The following UGT1A8 variants were observed in gnomAD, a reference collection of about 807,000 sequenced individuals.
The protein encoded by UGT1A8 is UDP-glucuronosyltransferase 1A8.
A neutral mutation model predicts 45.3 loss-of-function variants in UGT1A8; 39 were observed. That is an observed-to-expected ratio of 0.86 (90% CI 0.67 to 1.12). The LOEUF is 1.12. UGT1A8 is among the 50% of genes most tolerant of loss of function. The pLI is 0.00. For missense variants in UGT1A8, 719 were observed against 664.9 expected, an observed-to-expected ratio of 1.08 and a Z score of -0.90; for synonymous variants, 275 against 249.2, an observed-to-expected ratio of 1.10 and a Z score of -0.97.
intron 1 of UGT1A8, among the ~76,000 whole-genome samples, chr2:233,757,560 A>ATATGTG (rs904896556): frequency 1.6e-5 from 2 of 123,146 alleles, no homozygotes; most frequent in African/African-American, 6.8e-5. Flanking sequence ...ATATATATAT[A>ATATGTG]TGTATATATG....
intron 1 of UGT1A8, among the ~76,000 whole-genome samples, chr2:233,670,922 CA>C (rs1186411067): frequency 2.0e-5 from 3 of 152,136 alleles, no homozygotes; most frequent in Non-Finnish European, 4.4e-5. Context: ...TCTTGTACAA[CA>C]AAAAAACTGG....
At chr2:233,662,309 T>A (rs1230181500) in intron 1 of UGT1A8, among the ~76,000 whole-genome samples, 1 of 152,212 alleles carries the variant, frequency 6.6e-6, no homozygotes, top group African/African-American at 2.4e-5. Context: ...TTTTCTTAAT[T>A]TTTTCACTAT....
intron 1 of UGT1A8, chr2:233,743,056 A>T: frequency 3.1e-6 from 1 of 325,774 alleles, no homozygotes; most frequent in South Asian, 2.6e-5. Context: ...AGTCCCAACG[A>T]TAAGAACAGG....
chr2:233,708,854 A>C (rs1025150055), intron 1 of UGT1A8, among the ~76,000 whole-genome samples: 1 of 147,850 alleles, frequency 6.8e-6, no homozygotes, highest in Non-Finnish European at 1.5e-5. Context: ...TTTCTTTTTT[A>C]ATCTCTTTTA....
chr2:233,720,513 G>C (rs2076864645), intron 1 of UGT1A8, among the ~76,000 whole-genome samples: 1 of 152,034 alleles, frequency 6.6e-6, no homozygotes, highest in Non-Finnish European at 1.5e-5. Context: ...AGGTGAAGCT[G>C]ATCATATCAC....
intron 1 of UGT1A8, among the ~76,000 whole-genome samples, chr2:233,764,316 C>T (rs1044416342): frequency 3.3e-5 from 5 of 152,242 alleles, no homozygotes; most frequent in Admixed American, 6.5e-5. Flanking sequence ...TTAAGGGAAG[C>T]TTTGCCAAGT....
At chr2:233,691,657 C>T in intron 1 of UGT1A8, 1 of 984,560 alleles carries the variant, frequency 1.0e-6, no homozygotes, top group Non-Finnish European at 1.2e-6. Flanking sequence ...GTGACCCTCC[C>T]TTTCTGGGCC....
intron 1 of UGT1A8, among the ~76,000 whole-genome samples, chr2:233,721,208 T>C (rs1235207261): frequency 6.6e-6 from 1 of 152,250 alleles, no homozygotes; most frequent in East Asian, 1.9e-4. Flanking sequence ...ACTGGTTTTC[T>C]TTTCCCCTTA....
intron 1 of UGT1A8, chr2:233,692,324 C>T (rs2125551324): frequency 6.5e-6 from 1 of 153,470 alleles, no homozygotes; most frequent in South Asian, 2.0e-4. Flanking sequence ...TAAACCAAAC[C>T]TAGTAAATAA....
At chr2:233,648,650 G>C (rs2073663720) in intron 1 of UGT1A8, 1 of 255,598 alleles carries the variant, frequency 3.9e-6, no homozygotes, top group South Asian at 4.8e-5. Flanking sequence ...ATTTTTAGTG[G>C]AGACGGGGTT....
intron 1 of UGT1A8, among the ~76,000 whole-genome samples, chr2:233,739,663 T>C (rs1172475020): frequency 6.6e-6 from 1 of 152,246 alleles, no homozygotes; most frequent in Non-Finnish European, 1.5e-5. Context: ...ACCCCCATTG[T>C]GTCTTGGAAG....
intron 1 of UGT1A8, among the ~76,000 whole-genome samples, chr2:233,749,521 C>T (rs1559394435): frequency 6.6e-6 from 1 of 151,908 alleles, no homozygotes; most frequent in East Asian, 1.9e-4. Flanking sequence ...ACTAGCAAGG[C>T]TAATTTTCGA....
chr2:233,633,990 G>A (rs1172751730), intron 1 of UGT1A8, among the ~76,000 whole-genome samples: 1 of 152,208 alleles, frequency 6.6e-6, no homozygotes, highest in African/African-American at 2.4e-5. Context: ...CTGTGTCCCA[G>A]AGATTCTGGT....
chr2:233,653,688 C>A (rs751571733), intron 1 of UGT1A8, among the ~76,000 whole-genome samples: 2 of 152,120 alleles, frequency 1.3e-5, no homozygotes, highest in Non-Finnish European at 2.9e-5. Context: ...CATCTGCTGC[C>A]CGAGTTCAAG....
At chr2:233,621,596 C>A (rs937096968) in intron 1 of UGT1A8, among the ~76,000 whole-genome samples, 1 of 152,182 alleles carries the variant, frequency 6.6e-6, no homozygotes, top group Non-Finnish European at 1.5e-5. Context: ...CCAACCTATA[C>A]AAAGGAGAGA....
intron 1 of UGT1A8, among the ~76,000 whole-genome samples, chr2:233,722,881 G>T (rs2077046984): frequency 7.8e-5 from 9 of 115,512 alleles, no homozygotes; most frequent in Admixed American, 2.8e-4. Context: ...TAAATTTATT[G>T]CTCATTAAGT....
At chr2:233,653,769 G>C (rs1218583930) in intron 1 of UGT1A8, among the ~76,000 whole-genome samples, 1 of 152,172 alleles carries the variant, frequency 6.6e-6, no homozygotes, top group African/African-American at 2.4e-5. Flanking sequence ...GCAAATTTTT[G>C]TATTTTTAGT....
chr2:233,744,616 T>C (rs1359252555), intron 1 of UGT1A8, among the ~76,000 whole-genome samples: 1 of 151,926 alleles, frequency 6.6e-6, no homozygotes, highest in Non-Finnish European at 1.5e-5. Context: ...CTTGGCTCTA[T>C]AGAGAGGTGG....
chr2:233,640,540 A>G (rs1404666701), intron 1 of UGT1A8, among the ~76,000 whole-genome samples: 1 of 152,184 alleles, frequency 6.6e-6, no homozygotes, highest in Non-Finnish European at 1.5e-5. Context: ...ATGTTGATCT[A>G]TGGAACAGAG....
Sources: gnomAD v4.1 joint callset for allele counts (sites outside exome capture counted in the v4.1 genomes callset) on GRCh38, gnomAD v4.1.1 for gene constraint, MANE v1.5 for transcripts, NCBI Gene and HGNC (gene_info 2026-07-23, HGNC 2026-07-21) for gene names.